FAM78B: variants seen among roughly 807,000 people sequenced by gnomAD.
FAM78B encodes family with sequence similarity 78 member B, also known as protein FAM78B.
Under a neutral mutation model 20.0 loss-of-function variants are expected in FAM78B, and 10 were observed. That is an observed-to-expected ratio of 0.50 (90% CI 0.31 to 0.85). The LOEUF is 0.85. Ranked by LOEUF, FAM78B falls within the 40% of genes least tolerant of loss-of-function variation. The pLI is 0.05. For synonymous variants in FAM78B, 135 were observed against 132.8 expected (o/e 1.02, Z -0.12); for missense variants, 283 against 345.0 (o/e 0.82, Z 1.42).
At chr1:166,060,992 G>GC (rs1553212759) in intron 2 of FAM78B, among the ~76,000 whole-genome samples, 1 of 152,166 alleles carries the variant, frequency 6.6e-6, no homozygotes, top group Non-Finnish European at 1.5e-5. Context: ...CAATGGCATT[G>GC]TTTTTTAGCA....
At chr1:166,095,634 C>A (rs1653246774) in intron 1 of FAM78B, among the ~76,000 whole-genome samples, 1 of 152,326 alleles carries the variant, frequency 6.6e-6, no homozygotes, top group Non-Finnish European at 1.5e-5. Context: ...GCAGGAACCC[C>A]AGGCCTCCTC....
At chr1:166,100,335 G>A (rs1318465494) in intron 1 of FAM78B, among the ~76,000 whole-genome samples, 1 of 152,208 alleles carries the variant, frequency 6.6e-6, no homozygotes, top group Non-Finnish European at 1.5e-5. Context: ...GGGATTGTCA[G>A]ACAGTGGGTG....
At chr1:166,065,791 T>A (rs1464245562), downstream of FAM78B, among the ~76,000 whole-genome samples, 1 of 152,166 alleles carries the variant, frequency 6.6e-6, no homozygotes, top group East Asian at 1.9e-4. Context: ...GGGGTAAAAA[T>A]ATCTGTGTGC....
chr1:166,149,667 C>T (rs1320642845), intron 1 of FAM78B, among the ~76,000 whole-genome samples: 1 of 152,180 alleles, frequency 6.6e-6, no homozygotes, highest in Admixed American at 6.5e-5. Flanking sequence ...TACATGGAAG[C>T]ATTTTTGTAA....
intron 1 of FAM78B, among the ~76,000 whole-genome samples, chr1:166,160,229 A>G (rs1464903256): frequency 6.6e-6 from 1 of 152,222 alleles, no homozygotes; most frequent in Non-Finnish European, 1.5e-5. Context: ...CTGGGCATGT[A>G]GCAGCATGTA....
intron 1 of FAM78B, chr1:166,165,108 G>A (rs1656311990): frequency 1.3e-5 from 2 of 152,226 alleles, no homozygotes; most frequent in African/African-American, 4.8e-5. Context: ...CAAGCCCGGC[G>A]CGCACCAACC....
chr1:166,102,366 G>T (rs10800189), intron 1 of FAM78B, among the ~76,000 whole-genome samples: 1 of 151,954 alleles, frequency 6.6e-6, no homozygotes, highest in African/African-American at 2.4e-5. Context: ...CAATATTAAC[G>T]TAAATGTAAA....
intron 1 of FAM78B, among the ~76,000 whole-genome samples, chr1:166,078,351 T>G (rs1652419411): frequency 6.6e-6 from 1 of 152,120 alleles, no homozygotes; most frequent in South Asian, 2.1e-4. Context: ...TATTATCTAA[T>G]TCCCTTCCTT....
chr1:166,113,352 T>C (rs1410243057), intron 1 of FAM78B, among the ~76,000 whole-genome samples: 3 of 152,246 alleles, frequency 2.0e-5, no homozygotes, highest in Admixed American at 6.5e-5. Context: ...TCAGATTACT[T>C]CACTGCTCCA....
chr1:166,154,236 G>T (rs1203869475), intron 1 of FAM78B, among the ~76,000 whole-genome samples: 1 of 152,188 alleles, frequency 6.6e-6, no homozygotes, highest in African/African-American at 2.4e-5. Flanking sequence ...TGTGTGGGTA[G>T]GGGCCAGGAG....
At chr1:166,101,399 G>T (rs1461521757) in intron 1 of FAM78B, among the ~76,000 whole-genome samples, 2 of 152,144 alleles carry the variant, frequency 1.3e-5, no homozygotes, top group Non-Finnish European at 2.9e-5. Context: ...CCGAGCTAAA[G>T]GAGGAAGTTT....
chr1:166,109,852 A>ATGTG (rs1376275588), intron 1 of FAM78B, among the ~76,000 whole-genome samples: 596 of 25,402 alleles, frequency 0.023, 67 homozygotes, highest in African/African-American at 0.064. Flanking sequence ...ATATATATAT[A>ATGTG]TATATATATG....
chr1:166,139,165 G>A (rs1017068764), intron 1 of FAM78B, among the ~76,000 whole-genome samples: 2 of 152,190 alleles, frequency 1.3e-5, no homozygotes, highest in African/African-American at 4.8e-5. Context: ...AGGTATAGCA[G>A]CTTTGTTAGA....
rs144111625 is a variant in FAM78B at position 166,163,144 on chromosome 1, TGA to T, written c.263+2840_263+2841del. 2.1e-3 allele frequency among the ~76,000 whole-genome samples: 314 copies of T among 152,316 alleles called. 1 individual carries two copies. Among genetic ancestry groups the T allele is most frequent in the African/African-American group, 7.1e-3 (294 of 41,574 alleles). On this transcript the variant is annotated intron_variant, in intron 1 of 1. Transcript: ENST00000354422. ...AATGTTTGTATATTGACAGGTTGAT[TGA>T]GAGAGTCAGGAGCCCTTCCTCCCCG...
At chr1:166,073,105 C>G (rs892766841) in intron 1 of FAM78B, among the ~76,000 whole-genome samples, 10 of 152,164 alleles carry the variant, frequency 6.6e-5, no homozygotes, top group Non-Finnish European at 1.3e-4. Context: ...GTGGCTATCT[C>G]AGGAGGGAAG....
intron 1 of FAM78B, among the ~76,000 whole-genome samples, chr1:166,150,248 C>T (rs576017827): frequency 2.0e-5 from 3 of 152,258 alleles, no homozygotes; most frequent in Non-Finnish European, 4.4e-5. Flanking sequence ...CCAAACCCTC[C>T]CAGTGCCTTG....
At chr1:166,111,874 G>A (rs912902560) in intron 1 of FAM78B, among the ~76,000 whole-genome samples, 4 of 152,190 alleles carry the variant, frequency 2.6e-5, no homozygotes, top group Admixed American at 2.6e-4. Context: ...TTCATTGCCT[G>A]TTCCATTCTT....
intron 1 of FAM78B, among the ~76,000 whole-genome samples, chr1:166,109,898 A>ATATG (rs1553219510): frequency 6.2e-5 from 5 of 80,154 alleles, no homozygotes; most frequent in Non-Finnish European, 9.4e-5. Flanking sequence ...ATGTATATAT[A>ATATG]TATATATATA....
chr1:166,134,769 T>C (rs1027459462), intron 1 of FAM78B, among the ~76,000 whole-genome samples: 1 of 152,222 alleles, frequency 6.6e-6, no homozygotes, highest in South Asian at 2.1e-4. Flanking sequence ...AAATGCTCTC[T>C]AATGTCCCTT....
Sources: allele counts gnomAD v4.1 joint callset (sites outside exome capture counted in the v4.1 genomes callset), GRCh38; gene constraint gnomAD v4.1.1; transcripts MANE v1.5; gene names NCBI Gene and HGNC (gene_info 2026-07-23, HGNC 2026-07-21).